Variants in BEND4 observed in about 807,000 individuals in gnomAD.
BEND4 encodes BEN domain containing 4, also known as BEN domain-containing protein 4.
BEND4 carries 27 observed loss-of-function variants against 54.7 expected under a neutral mutation model. The ratio of observed to expected loss-of-function variants is 0.49; its 90% CI spans 0.36 to 0.68. BEND4 has a LOEUF of 0.68. BEND4 is among the 30% of genes least tolerant of loss of function. The pLI is 0.00. For missense variants in BEND4, 702 were observed against 697.2 expected, an observed-to-expected ratio of 1.01 and a Z score of -0.08; for synonymous variants, 327 against 299.5, an observed-to-expected ratio of 1.09 and a Z score of -0.95.
chr4:42,125,161 T>C (rs1484305246), intron 4 of BEND4, among the ~76,000 whole-genome samples: 1 of 152,112 alleles, frequency 6.6e-6, no homozygotes, highest in African/African-American at 2.4e-5. Context: ...GTGAAAAAAA[T>C]AACCCATGTG....
Position 42,112,565 on chromosome 4 carries a change from A to G in BEND4, c.*4953T>C, listed in dbSNP as rs1000396899. The G allele has an allele frequency of 6.6e-6, 1 of 152,180 alleles. No homozygotes were observed. Among genetic ancestry groups the G allele is most frequent in the Non-Finnish European group, 1.5e-5 (1 of 68,030 alleles). 9.4% of individuals were successfully genotyped at this position (152,180 alleles called of 1,614,324 possible). A position where few individuals can be genotyped will look rare whatever the true frequency, so the allele number is the denominator to read the frequency against. Reference sequence around the variant, plus strand: ...CAGCCCTTATATCAGACAGCTATAGAGAATTGTGAGGAAAATTAATCCGGT... The same window carrying G: ...CAGCCCTTATATCAGACAGCTATAGGGAATTGTGAGGAAAATTAATCCGGT... On this transcript the variant is annotated 3_prime_UTR_variant, in exon 6 of 6. Transcript: ENST00000502486.
At chr4:42,147,929 C>G (rs902039024) in intron 2 of BEND4, among the ~76,000 whole-genome samples, 5 of 152,116 alleles carry the variant, frequency 3.3e-5, no homozygotes, top group Non-Finnish European at 5.9e-5. Context: ...CACAGCAGAT[C>G]CCCAAGAGAA....
chr4:42,136,175 C>T (rs538878835), intron 3 of BEND4, among the ~76,000 whole-genome samples: 1 of 152,324 alleles, frequency 6.6e-6, no homozygotes, highest in East Asian at 1.9e-4. Context: ...AGCATTTTCC[C>T]TCCCACAGGC....
chr4:42,122,445 A>G (rs114931602), intron 4 of BEND4, among the ~76,000 whole-genome samples: 4,923 of 152,304 alleles, frequency 0.032, 136 homozygotes, highest in African/African-American at 0.078. Context: ...GGTGCAATAA[A>G]CATTTGCTGA....
At chr4:42,121,048 T>C (rs1355909713) in intron 4 of BEND4, among the ~76,000 whole-genome samples, 1 of 152,224 alleles carries the variant, frequency 6.6e-6, no homozygotes, top group Admixed American at 6.5e-5. Flanking sequence ...ACACAACCAT[T>C]ACTTTAGTTC....
At chr4:42,139,160 T>A (rs1051429205) in intron 3 of BEND4, among the ~76,000 whole-genome samples, 1 of 152,208 alleles carries the variant, frequency 6.6e-6, no homozygotes, top group African/African-American at 2.4e-5. Context: ...GCTTTTGTGG[T>A]TTTTGCTTAT....
rs1237222020 is a variant in BEND4 at position 42,112,481 on chromosome 4, G to A, written c.*5037C>T. On this transcript the variant is annotated 3_prime_UTR_variant, in exon 6 of 6. Transcript: ENST00000502486. ...CAAGAATAAAGAGGTTTTCAAATGA[G>A]TCTTACTAGCAAGACATGCTTTCAC... 1 of 152,194 alleles carries A rather than the reference G, an allele frequency of 6.6e-6. No homozygotes were observed. The highest frequency in any genetic ancestry group is 1.5e-5 in the Non-Finnish European group (1 of 68,030). 9.4% of individuals were successfully genotyped at this position (152,194 alleles called of 1,614,324 possible). A position where few individuals can be genotyped will look rare whatever the true frequency, so the allele number is the denominator to read the frequency against.
chr4:42,120,484 A>G (rs148936553), intron 4 of BEND4, among the ~76,000 whole-genome samples, 190 bp from the exon 5 acceptor site: 29 of 152,336 alleles, frequency 1.9e-4, no homozygotes, highest in Admixed American at 1.2e-3. Flanking sequence ...TGCATTTTCT[A>G]TAACAAGAGC....
chr4:42,152,397 A>C, intron 1 of BEND4, 21 bp from the exon 2 acceptor site: 1 of 258,460 alleles, frequency 3.9e-6, no homozygotes, highest in Non-Finnish European at 7.3e-6. Context: ...AAAGGAGGTA[A>C]AGAGCAAGTG....
At chr4:42,141,711 A>G (rs1320537295) in intron 3 of BEND4, among the ~76,000 whole-genome samples, 2 of 152,230 alleles carry the variant, frequency 1.3e-5, no homozygotes, top group Non-Finnish European at 2.9e-5. Context: ...ACTGCACACC[A>G]GCCTGGGCAG....
At chr4:42,144,359 A>C (rs1453842824) in intron 2 of BEND4, among the ~76,000 whole-genome samples, 2 of 152,218 alleles carry the variant, frequency 1.3e-5, no homozygotes, top group African/African-American at 4.8e-5. Context: ...CTGCAGACTC[A>C]ATTCCTCATT....
At chr4:42,148,404 A>G (rs1330889884) in intron 2 of BEND4, among the ~76,000 whole-genome samples, 1 of 152,226 alleles carries the variant, frequency 6.6e-6, no homozygotes, top group African/African-American at 2.4e-5. Context: ...GCTTCCTAAT[A>G]TTCATCCTGC....
chr4:42,120,624 A>T (rs146589746), intron 4 of BEND4, among the ~76,000 whole-genome samples: 5 of 152,306 alleles, frequency 3.3e-5, no homozygotes, highest in African/African-American at 1.2e-4. Flanking sequence ...TTTCCTTTTC[A>T]ATCTATTAAA....
chr4:42,128,451 G>A (rs1027211970), intron 3 of BEND4, among the ~76,000 whole-genome samples: 4 of 151,928 alleles, frequency 2.6e-5, no homozygotes, highest in African/African-American at 4.8e-5. Context: ...GTGAAACCCC[G>A]TTTCTATTAA....
chr4:42,148,807 T>A (rs1193978218), intron 2 of BEND4, among the ~76,000 whole-genome samples: 2 of 152,212 alleles, frequency 1.3e-5, no homozygotes, highest in Middle Eastern at 3.2e-3. Context: ...TCCCATTTCC[T>A]AATGCCAAAT....
In BEND4 at chr4:42,143,940, A is replaced by T; in HGVS notation, c.542T>A (p.Leu181His). The change falls in exon 3 of 6, where the codon CTC (leucine) becomes CAC (histidine). Residue 181 changes from leucine to histidine, a missense_variant. Transcript: ENST00000502486. ...FAQQCSRVLS[L>H]LNCGGKLLDS... is the part of the protein sequence containing the mutation. ...CAGGAGTTTTCCTCCACAATTTAAGAGGCTAAGAACTCGACTGCACTGCTG... is the reference window on the plus strand; with the variant it reads ...CAGGAGTTTTCCTCCACAATTTAAGTGGCTAAGAACTCGACTGCACTGCTG... 6.5e-7 allele frequency: 1 copy of T among 1,538,472 alleles called. No homozygotes were observed. The highest frequency in any genetic ancestry group is 8.7e-7 in the Non-Finnish European group (1 of 1,147,230).
At position 42,143,527 on chromosome 4, in the gene BEND4, CG is replaced by C; in HGVS notation, c.954del (p.Asp318GlufsTer30). 1 of 1,554,192 alleles carries C rather than the reference CG, an allele frequency of 6.4e-7. No individual in the cohort carries two copies. Among genetic ancestry groups the C allele is most frequent in the South Asian group, 1.2e-5 (1 of 84,184 alleles). On this transcript the variant is annotated frameshift_variant, in exon 3 of 6. Transcript: ENST00000502486. LOFTEE classifies it high-confidence loss of function. The part of the protein sequence containing the change: ...STLPEEEEEE[D>X]EEGYCPRCQE... ...TGGCATCGAGGACAATAGCCTTCCT[CG>C]TCCTCCTCCTCCTCCTCTTCTGGCA...
At chr4:42,120,404 A>G in intron 4 of BEND4, 110 bp from the exon 5 acceptor site, 1 of 1,353,888 alleles carries the variant, frequency 7.4e-7, no homozygotes. Flanking sequence ...GGCTATGCTG[A>G]CAATGAACCA....
intron 4 of BEND4, among the ~76,000 whole-genome samples, chr4:42,123,963 C>T (rs1720172349): frequency 6.6e-6 from 1 of 152,204 alleles, no homozygotes; most frequent in South Asian, 2.1e-4. Flanking sequence ...GGGCAAACCA[C>T]TGTGGGCCAG....
Sources: allele counts gnomAD v4.1 joint callset (sites outside exome capture counted in the v4.1 genomes callset), GRCh38; gene constraint gnomAD v4.1.1; transcripts MANE v1.5; gene names NCBI Gene and HGNC (gene_info 2026-07-23, HGNC 2026-07-21).